PGPEP1L: variants seen among roughly 807,000 people sequenced by gnomAD.
PGPEP1L encodes pyroglutamyl-peptidase 1-like protein.
A neutral mutation model predicts 6.0 loss-of-function variants in PGPEP1L; 7 were observed. The ratio of observed to expected loss-of-function variants is 1.17; its 90% CI spans 0.66 to 2.19. The LOEUF (loss-of-function observed/expected upper bound fraction) is 2.19. Among genes scored for constraint, PGPEP1L ranks in the 30% most tolerant of loss-of-function variants. The pLI, the probability that PGPEP1L is intolerant of heterozygous loss-of-function variation, is 0.00. For synonymous variants in PGPEP1L, 103 were observed against 83.9 expected, an observed-to-expected ratio of 1.23 and a Z score of -1.24; for missense variants, 209 against 192.5, an observed-to-expected ratio of 1.09 and a Z score of -0.51.
At chr15:98,986,900 G>A (rs1203604982) in intron 2 of PGPEP1L, among the ~76,000 whole-genome samples, 7 of 152,038 alleles carry the variant, frequency 4.6e-5, no homozygotes, top group Non-Finnish European at 2.9e-5. Flanking sequence ...TGGGCATGGT[G>A]GCTCACACCT....
At chr15:98,972,355 A>AAAATAAATAAATAAAT (rs34372599) in intron 2 of PGPEP1L, among the ~76,000 whole-genome samples, 5 of 144,832 alleles carry the variant, frequency 3.5e-5, no homozygotes, top group South Asian at 2.2e-4. Context: ...CTCCGTCTCA[A>AAAATAAATAAATAAAT]AAATAAATAA....
intron 2 of PGPEP1L, among the ~76,000 whole-genome samples, chr15:98,992,632 T>G (rs1289110483): frequency 6.6e-6 from 1 of 152,182 alleles, no homozygotes; most frequent in Non-Finnish European, 1.5e-5. Context: ...AGAGCCTGCA[T>G]AGCCAAGACA....
chr15:98,970,121 T>C (rs953338883), intron 3 of PGPEP1L, among the ~76,000 whole-genome samples: 1 of 152,180 alleles, frequency 6.6e-6, no homozygotes, highest in Non-Finnish European at 1.5e-5. Context: ...CCATCTCAGC[T>C]CCCTGCAACC....
At chr15:99,003,045 TAA>T (rs2017996592) in intron 2 of PGPEP1L, among the ~76,000 whole-genome samples, 1 of 151,676 alleles carries the variant, frequency 6.6e-6, no homozygotes, top group South Asian at 2.1e-4. Flanking sequence ...CATGAGGAAG[TAA>T]AAACTTTCTG....
chr15:98,968,804 C>T, intron 4 of PGPEP1L, 107 bp from the exon 5 acceptor site: 1 of 1,000,672 alleles, frequency 1.0e-6, no homozygotes, highest in Non-Finnish European at 1.5e-6. Context: ...GGAGGGAGCA[C>T]TGCCACCCAA....
At chr15:98,985,309 C>T (rs1163362303) in intron 2 of PGPEP1L, among the ~76,000 whole-genome samples, 5 of 152,214 alleles carry the variant, frequency 3.3e-5, no homozygotes, top group African/African-American at 1.2e-4. Context: ...GAGGCCAAGG[C>T]GGGAGGATCA....
At chr15:98,986,700 A>T (rs367737827) in intron 2 of PGPEP1L, among the ~76,000 whole-genome samples, 1 of 152,204 alleles carries the variant, frequency 6.6e-6, no homozygotes, top group East Asian at 1.9e-4. Flanking sequence ...TGAAGTGGGG[A>T]CAACTTCATG....
At chr15:99,003,179 G>C (rs1293589678) in intron 2 of PGPEP1L, among the ~76,000 whole-genome samples, 1 of 145,654 alleles carries the variant, frequency 6.9e-6, no homozygotes, top group Non-Finnish European at 1.5e-5. Flanking sequence ...AAAAAAAAAG[G>C]GCAGTTATAG....
At chr15:98,987,567 C>T (rs143777934) in intron 2 of PGPEP1L, among the ~76,000 whole-genome samples, 1 of 152,224 alleles carries the variant, frequency 6.6e-6, no homozygotes, top group East Asian at 1.9e-4. Context: ...GGCAGTGGTG[C>T]CTTTACCCAC....
chr15:98,972,548 A>G (rs959769952), intron 2 of PGPEP1L, among the ~76,000 whole-genome samples: 6 of 152,010 alleles, frequency 3.9e-5, no homozygotes, highest in African/African-American at 1.2e-4. Context: ...CATAACCTTG[A>G]GTGGAATGGA....
chr15:99,006,974 G>C (rs781825626), intron 1 of PGPEP1L, among the ~76,000 whole-genome samples: 19 of 152,184 alleles, frequency 1.2e-4, no homozygotes, highest in Non-Finnish European at 2.4e-4. Context: ...AGCTCAGTGT[G>C]ACAGCAGGAC....
intron 2 of PGPEP1L, among the ~76,000 whole-genome samples, chr15:98,978,558 T>C (rs2715432): frequency 1 from 152,052 of 152,058 alleles, 76,023 homozygotes; most frequent in Middle Eastern, 1. Context: ...TTTTTTGTTT[T>C]TTCCCCAAAA....
chr15:98,969,372 C>A, intron 4 of PGPEP1L, 53 bp downstream of exon 4: 2 of 1,600,554 alleles, frequency 1.2e-6, no homozygotes, highest in East Asian at 4.5e-5. Flanking sequence ...GGGACGCTGA[C>A]GGCCATTGCT....
At chr15:98,970,689 G>A (rs930630096) in intron 3 of PGPEP1L, among the ~76,000 whole-genome samples, 3 of 152,138 alleles carry the variant, frequency 2.0e-5, no homozygotes, top group Non-Finnish European at 2.9e-5. Flanking sequence ...CTTGCCTCAC[G>A]TCCACCTTCA....
At chr15:98,991,764 G>C (rs1471327335) in intron 2 of PGPEP1L, among the ~76,000 whole-genome samples, 2 of 152,148 alleles carry the variant, frequency 1.3e-5, no homozygotes, top group Non-Finnish European at 2.9e-5. Context: ...CTACAATCAA[G>C]TCAGCTTCAT....
Position 99,006,917 on chromosome 15 carries a change from T to C in PGPEP1L, c.-370+442A>G, listed in dbSNP as rs189257643. On this transcript the variant is annotated intron_variant, in intron 1 of 4. Coordinates refer to ENST00000535714, the MANE Select transcript of PGPEP1L (RefSeq NM_001167902.2). Reference sequence around the variant, plus strand: ...CTAGGTCTGGGGAGGAGAAGCTCCCTTCAGGGAAGCAGGCAGAGCCTCTCA... The same window carrying C: ...CTAGGTCTGGGGAGGAGAAGCTCCCCTCAGGGAAGCAGGCAGAGCCTCTCA... 6.4e-4 allele frequency among the ~76,000 whole-genome samples: 98 copies of C among 152,322 alleles called. 2 individuals are homozygous for C. In the East Asian group the frequency reaches 0.013, roughly 20 times the overall value.
intron 2 of PGPEP1L, among the ~76,000 whole-genome samples, chr15:98,987,194 A>AAAAAAAAAG (rs2017759831): frequency 1.4e-5 from 2 of 146,070 alleles, no homozygotes; most frequent in East Asian, 1.9e-4. Flanking sequence ...AAAAAAAAAA[A>AAAAAAAAAG]AGAGAGCCAA....
intron 2 of PGPEP1L, among the ~76,000 whole-genome samples, chr15:98,994,983 G>C (rs2017868083): frequency 6.6e-6 from 1 of 152,100 alleles, no homozygotes; most frequent in South Asian, 2.1e-4. Flanking sequence ...AGATCTCCTT[G>C]TTTTTGGTAT....
At chr15:98,983,059 C>G (rs1038535019) in intron 2 of PGPEP1L, among the ~76,000 whole-genome samples, 1 of 151,022 alleles carries the variant, frequency 6.6e-6, no homozygotes, top group Non-Finnish European at 1.5e-5. Context: ...CCACTCTGGA[C>G]TAATTGGAAA....
Sources: allele counts gnomAD v4.1 joint callset (sites outside exome capture counted in the v4.1 genomes callset), GRCh38; gene constraint gnomAD v4.1.1; transcripts MANE v1.5; gene names NCBI Gene and HGNC (gene_info 2026-07-23, HGNC 2026-07-21).